Variants in USP20 observed in about 807,000 individuals in gnomAD.
The protein encoded by USP20 is ubiquitin specific peptidase 20.
In USP20, 80 loss-of-function variants were observed where a neutral mutation model predicts 124.2. The ratio of observed to expected loss-of-function variants is 0.64; its 90% CI spans 0.54 to 0.78. The LOEUF (loss-of-function observed/expected upper bound fraction) is 0.78. Among genes scored for constraint, USP20 ranks in the 30% least tolerant of loss-of-function variants. USP20 has a pLI of 0.00. For missense variants in USP20, 1,043 were observed against 1,244.4 expected (o/e 0.84, Z 2.44); for synonymous variants, 481 against 512.3 (o/e 0.94, Z 0.83).
chr9:129,835,767 T>C (rs1004148077), intron 1 of USP20: 1 of 152,386 alleles, frequency 6.6e-6, no homozygotes, highest in African/African-American at 2.4e-5. Context: ...CGCCCCCCTC[T>C]CATTTCTGCC....
chr9:129,852,685 C>T, intron 3 of USP20, 49 bp downstream of exon 3: 1 of 1,534,544 alleles, frequency 6.5e-7, no homozygotes, highest in African/African-American at 1.4e-5. Flanking sequence ...AGGGCTGCCT[C>T]TTTCCTGGGG....
chr9:129,880,246 G>A lies in USP20; in HGVS notation c.2718G>A (p.Lys906=), dbSNP rs2034584370. The A allele has an allele frequency of 1.9e-6, 3 of 1,609,588 alleles. No homozygotes were observed. The highest frequency in any genetic ancestry group is 2.7e-5 in the African/African-American group (2 of 74,920). Reference sequence around the variant, plus strand: ...CAGAGAACCTGCACGGGGAGCAGAAGATCGAAGCCGAGACGCGGGCCGTGT... The same window carrying A: ...CAGAGAACCTGCACGGGGAGCAGAAAATCGAAGCCGAGACGCGGGCCGTGT... ...LGPENLHGEQ[K]IEAETRAV is the part of the protein sequence containing the mutation. The change falls in exon 25 of 26, where the codon AAG becomes AAA. Residue 906 remains lysine (K), a synonymous_variant. Coordinates refer to ENST00000372429, the MANE Select transcript of USP20 (RefSeq NM_001110303.4).
At chr9:129,868,568 C>T (rs2033947697) in intron 11 of USP20, 119 bp downstream of exon 11, 3 of 1,444,972 alleles carry the variant, frequency 2.1e-6, no homozygotes, top group South Asian at 2.9e-5. Context: ...ACCCGAATGA[C>T]AGTGGGGAAG....
intron 10 of USP20, among the ~76,000 whole-genome samples, chr9:129,865,720 A>C (rs2033790258): frequency 6.6e-6 from 1 of 152,078 alleles, no homozygotes; most frequent in Non-Finnish European, 1.5e-5. Context: ...GCTGGAGTGC[A>C]GTGGTGCAGT....
chr9:129,877,688 C>T (rs1057078680), intron 22 of USP20, among the ~76,000 whole-genome samples: 2 of 150,772 alleles, frequency 1.3e-5, no homozygotes, highest in Non-Finnish European at 3.0e-5. Context: ...CAGAGTGAGA[C>T]CACCCCCCAT....
intron 1 of USP20, among the ~76,000 whole-genome samples, chr9:129,848,349 C>T (rs2032707263): frequency 1.3e-5 from 2 of 152,150 alleles, no homozygotes; most frequent in Admixed American, 1.3e-4. Context: ...TGCCAAGTTC[C>T]TGAGTTACTT....
chr9:129,873,670 A>G (rs761504743), intron 16 of USP20, 29 bp from the exon 17 acceptor site: 20 of 1,613,710 alleles, frequency 1.2e-5, no homozygotes, highest in Non-Finnish European at 1.7e-5. Context: ...GATGCCGGAC[A>G]CTGATGCTGG....
At chr9:129,861,767 TC>T (rs767450984) in intron 8 of USP20, among the ~76,000 whole-genome samples, 155 bp downstream of exon 8, 2 of 152,166 alleles carry the variant, frequency 1.3e-5, no homozygotes, top group Non-Finnish European at 2.9e-5. Context: ...CCAGCAATCC[TC>T]CCAGTCAGAA....
At chr9:129,878,646 C>T (rs2034510738) in intron 23 of USP20, among the ~76,000 whole-genome samples, 2 of 152,232 alleles carry the variant, frequency 1.3e-5, no homozygotes, top group African/African-American at 2.4e-5. Flanking sequence ...GAAGCTGCTC[C>T]TGCTCTGCGC....
intron 9 of USP20, among the ~76,000 whole-genome samples, chr9:129,863,893 G>A (rs1253350841): frequency 1.3e-5 from 2 of 151,882 alleles, no homozygotes; most frequent in Admixed American, 6.6e-5. Context: ...GGATCACGAG[G>A]TCAAGAGATC....
At chr9:129,858,673 C>G in intron 6 of USP20, 75 bp downstream of exon 6, 1 of 1,573,666 alleles carries the variant, frequency 6.4e-7, no homozygotes, top group Non-Finnish European at 8.6e-7. Context: ...CCTGAGCATC[C>G]GTGGAGCATG....
chr9:129,878,510 A>T lies in USP20; in HGVS notation c.2512+70A>T, dbSNP rs41279160. 825 of 1,388,516 alleles carry T rather than the reference A, an allele frequency of 5.9e-4. 7 individuals carry two copies. The South Asian group carries it at 7.3e-3, about 12-fold the overall frequency. The allele number at this position is 1,388,516 out of a possible 1,614,324, so 86.0% of individuals were successfully genotyped here. On this transcript the variant is annotated intron_variant, in intron 23 of 25. Transcript: ENST00000372429. ...CTGGGAGATGGGATGCTGGCAGGGG[A>T]GGGCTGGCACACAGGGGCTCCTGCA... is the stretch of plus-strand genomic sequence containing the variant.
At chr9:129,859,194 G>C (rs1156378491) in intron 6 of USP20, among the ~76,000 whole-genome samples, 1 of 128,446 alleles carries the variant, frequency 7.8e-6, no homozygotes, top group East Asian at 2.5e-4. Context: ...CTGGATGGCA[G>C]AGCTGCCTGC....
chr9:129,839,768 A>G lies in USP20; in HGVS notation c.-129+4269A>G, dbSNP rs553211556. ...TCGCTGGGAGGAGGAGGATGTAGCC[A>G]GAACCTCTGGGAAAACAATGAGTAA... On this transcript the variant is annotated intron_variant, in intron 1 of 25. Transcript: ENST00000372429. This position sits in a 1 kb window ranked among gnomAD's most constrained non-coding sequence, Gnocchi z 4.5. 2.6e-4 allele frequency among the ~76,000 whole-genome samples: 40 copies of G among 152,196 alleles called. No individual in the cohort carries two copies. Among genetic ancestry groups the G allele is most frequent in the African/African-American group, 9.6e-4 (40 of 41,516 alleles).
intron 4 of USP20, 28 bp from the exon 5 acceptor site, chr9:129,858,022 A>G: frequency 6.2e-7 from 1 of 1,606,360 alleles, no homozygotes; most frequent in East Asian, 2.2e-5. Flanking sequence ...GGCAAGCTCC[A>G]GTCCACTCTC....
At chr9:129,855,446 A>C (rs1002287034) in intron 3 of USP20, among the ~76,000 whole-genome samples, 4 of 151,906 alleles carry the variant, frequency 2.6e-5, no homozygotes, top group Non-Finnish European at 5.9e-5. Flanking sequence ...AAAAAAAAAA[A>C]AGAAGTTTCT....
intron 1 of USP20, among the ~76,000 whole-genome samples, chr9:129,843,186 T>C (rs1197148110): frequency 6.6e-6 from 1 of 151,682 alleles, no homozygotes; most frequent in Non-Finnish European, 1.5e-5. Flanking sequence ...TCCCAGCACT[T>C]TGGGAGGCCG....
chr9:129,860,599 C>CTGTA (rs1311614753), intron 6 of USP20, among the ~76,000 whole-genome samples: 2 of 152,084 alleles, frequency 1.3e-5, no homozygotes, highest in Admixed American at 1.3e-4. Context: ...GTGCATGCAC[C>CTGTA]TGTAGTCTCA....
In USP20 at chr9:129,876,229, C is replaced by G. The variant is rs760710690; in HGVS notation, c.2400C>G (p.Thr800=). 12 of 1,612,162 alleles carry G rather than the reference C, an allele frequency of 7.4e-6. No individual in the cohort carries two copies. The highest frequency in any genetic ancestry group is 1.0e-5 in the Non-Finnish European group (12 of 1,179,484). Residue 800 remains threonine (T), a synonymous_variant, in exon 22 of 26, where the codon ACC becomes ACG. Coordinates refer to ENST00000372429, the MANE Select transcript of USP20 (RefSeq NM_001110303.4). ...LAKRRRIEID[T]FIKLNKAFQA... ...AGCGCAGGAGGATCGAGATCGACACCTTCATCAAGGTGCGTGCGGCGAGGC... is the reference window on the plus strand; with the variant it reads ...AGCGCAGGAGGATCGAGATCGACACGTTCATCAAGGTGCGTGCGGCGAGGC...
Sources: allele counts gnomAD v4.1 joint callset (sites outside exome capture counted in the v4.1 genomes callset), GRCh38; gene constraint gnomAD v4.1.1; non-coding constraint Gnocchi (gnomAD v3.1); transcripts MANE v1.5; gene names NCBI Gene and HGNC (gene_info 2026-07-23, HGNC 2026-07-21).